The following BTBD7 variants were observed in gnomAD, a reference collection of about 807,000 sequenced individuals.
The protein encoded by BTBD7 is BTB/POZ domain-containing protein 7.
In BTBD7, 38 loss-of-function variants were observed where a neutral mutation model predicts 99.9. The ratio of observed to expected loss-of-function variants is 0.38; its 90% CI spans 0.29 to 0.50. The LOEUF (loss-of-function observed/expected upper bound fraction) is 0.50. Ranked by LOEUF, BTBD7 falls within the 20% of genes least tolerant of loss-of-function variation. The pLI, the probability that BTBD7 is intolerant of heterozygous loss-of-function variation, is 0.93. For missense variants in BTBD7, 1,170 were observed against 1,394.6 expected (o/e 0.84, Z 2.57); for synonymous variants, 520 against 511.4 (o/e 1.02, Z -0.23).
At chr14:93,287,348 T>A (rs1211795545) in intron 3 of BTBD7, among the ~76,000 whole-genome samples, 1 of 36,756 alleles carries the variant, frequency 2.7e-5, no homozygotes, top group Non-Finnish European at 5.0e-5. Context: ...CTACATCCCT[T>A]CCACTTTCAG....
rs1202362215 is a variant in BTBD7, at chr14:93,246,030, A to T, written c.2378T>A (p.Phe793Tyr). The T allele has an allele frequency of 1.9e-6, 3 of 1,612,482 alleles. No individual in the cohort carries two copies. The highest frequency in any genetic ancestry group is 2.5e-6 in the Non-Finnish European group (3 of 1,179,930). The change falls in exon 10 of 11, where the codon TTT (phenylalanine) becomes TAT (tyrosine). Residue 793 changes from phenylalanine (F) to tyrosine (Y), a missense_variant. Phe to Tyr is a conservative substitution (Grantham distance 22). Around this residue, in one of 4 missense-constraint regions of BTBD7, gnomAD observed 495 missense variants for 525.9 expected, o/e 0.94. Coordinates refer to ENST00000334746, the MANE Select transcript of BTBD7 (RefSeq NM_001002860.4). ...RPPSQHPSRS[F>Y]SYPCNHSLFH... ...CAGCGAATGATTACAGGGATAAGAAAATGAACGTGAAGGGTGCTGACTGGG... is the reference window on the plus strand; with the variant it reads ...CAGCGAATGATTACAGGGATAAGAATATGAACGTGAAGGGTGCTGACTGGG...
At chr14:93,326,073 G>A (rs937234875) in intron 1 of BTBD7, among the ~76,000 whole-genome samples, 3 of 151,996 alleles carry the variant, frequency 2.0e-5, no homozygotes, top group Non-Finnish European at 2.9e-5. Flanking sequence ...CCACCACAGC[G>A]TGGTGGTTCT....
chr14:93,261,212 G>T (rs2052486288), intron 5 of BTBD7, among the ~76,000 whole-genome samples: 1 of 152,184 alleles, frequency 6.6e-6, no homozygotes, highest in African/African-American at 2.4e-5. Context: ...GTACCATTCA[G>T]TGGCTCTTAC....
intron 2 of BTBD7, 22 bp downstream of exon 2, chr14:93,295,948 A>C (rs2052920897): frequency 6.2e-7 from 1 of 1,610,488 alleles, no homozygotes; most frequent in Non-Finnish European, 8.5e-7. Flanking sequence ...AAGAAAATGA[A>C]GTTAGAAAAA....
intron 1 of BTBD7, among the ~76,000 whole-genome samples, chr14:93,314,978 A>G (rs1264980262): frequency 6.6e-5 from 10 of 152,214 alleles, no homozygotes. Context: ...TAATAAACGG[A>G]AAATATTCAT....
chr14:93,328,879 T>C (rs1009303716), intron 1 of BTBD7, among the ~76,000 whole-genome samples: 4 of 152,160 alleles, frequency 2.6e-5, no homozygotes, highest in Non-Finnish European at 4.4e-5. Context: ...ATCACACTAG[T>C]GTACTCCAGC....
chr14:93,270,802 C>A (rs1394470151), intron 3 of BTBD7, among the ~76,000 whole-genome samples: 2 of 152,126 alleles, frequency 1.3e-5, no homozygotes, highest in Admixed American at 6.5e-5. Flanking sequence ...TCCGCTCAGG[C>A]AGACTTTCAG....
rs777912493 is a variant in BTBD7, at chr14:93,246,147, A to C, written c.2261T>G (p.Phe754Cys). The change falls in exon 10 of 11, where the codon TTC (phenylalanine) becomes TGC (cysteine). Residue 754 changes from phenylalanine to cysteine, a missense_variant. Phe to Cys is a radical substitution (Grantham distance 205). Coordinates refer to ENST00000334746, the MANE Select transcript of BTBD7 (RefSeq NM_001002860.4). ...MFTDLDSFVA[F>C]HPPLPPPPPP... is the part of the protein sequence containing the mutation. The stretch of plus-strand genomic sequence containing the variant: ...TGGTGGAGGGGGCAAGGGTGGATGG[A>C]AGGCCACAAAAGAGTCCAGATCTGT... The C allele has an allele frequency of 1.2e-6, 2 of 1,614,038 alleles. No homozygotes were observed. Among genetic ancestry groups the C allele is most frequent in the South Asian group, 2.2e-5 (2 of 91,058 alleles).
intron 6 of BTBD7, 37 bp from the exon 7 acceptor site, chr14:93,253,827 T>A: frequency 8.0e-7 from 1 of 1,251,962 alleles, no homozygotes; most frequent in Non-Finnish European, 1.1e-6. Flanking sequence ...GAAATCTGTG[T>A]AGTACTATAA....
intron 1 of BTBD7, among the ~76,000 whole-genome samples, chr14:93,327,372 G>A (rs1443688999): frequency 1.3e-5 from 2 of 152,074 alleles, no homozygotes; most frequent in Non-Finnish European, 2.9e-5. Context: ...ACATACATCT[G>A]CATAATTATT....
chr14:93,274,128 A>G (rs1021840139), intron 3 of BTBD7, among the ~76,000 whole-genome samples: 4 of 152,256 alleles, frequency 2.6e-5, no homozygotes, highest in African/African-American at 9.6e-5. Flanking sequence ...CTGCTGAAGT[A>G]TTGGCAAAGA....
chr14:93,281,370 C>A lies in BTBD7; in HGVS notation c.1162+12488G>T, dbSNP rs568679243. Among the ~76,000 whole-genome samples, 11 of 152,260 alleles carry A rather than the reference C, an allele frequency of 7.2e-5. No homozygotes were observed. The East Asian group carries it at 2.1e-3, about 29-fold the overall frequency. Reference sequence around the variant, plus strand: ...TAGGCAGGTCTCAAACTCCTGGACTCAAGCCATCCACCCGCCTCAGCCTCC... The same window carrying A: ...TAGGCAGGTCTCAAACTCCTGGACTAAAGCCATCCACCCGCCTCAGCCTCC... On this transcript the variant is annotated intron_variant, in intron 3 of 10. Coordinates refer to ENST00000334746, the MANE Select transcript of BTBD7 (RefSeq NM_001002860.4).
Position 93,294,844 on chromosome 14 carries a change from C to A in BTBD7, c.176G>T (p.Arg59Ile). 1.2e-6 allele frequency: 2 copies of A among 1,613,984 alleles called. No homozygotes were observed. The highest frequency in any genetic ancestry group is 1.7e-6 in the Non-Finnish European group (2 of 1,180,004). The change falls in exon 3 of 11, where the codon AGA (arginine) becomes ATA (isoleucine). Residue 59 changes from arginine (R) to isoleucine (I), a missense_variant. By Grantham distance (97) the Arg-to-Ile change is moderately conservative. This residue lies in a region of BTBD7 where 359 missense variants were observed against 497.9 expected (regional missense o/e 0.72). Coordinates refer to ENST00000334746, the MANE Select transcript of BTBD7 (RefSeq NM_001002860.4). ...TTTGAGGGTGGCAAGACCAGAGGTT[C>A]TCTTTTTTTTGTCTTGTGGTTTCTC... is the stretch of plus-strand genomic sequence containing the variant. Reference protein sequence around the residue: ...GHEKPQDKKKRTSGLATLKKK... With the variant: ...GHEKPQDKKKITSGLATLKKK...
Position 93,294,495 on chromosome 14 carries a change from T to A in BTBD7, c.525A>T (p.Pro175=), listed in dbSNP as rs368600186. The A allele has an allele frequency of 1.9e-6, 3 of 1,614,166 alleles. No individual in the cohort carries two copies. The African/African-American group carries it at 4.0e-5, about 22-fold the overall frequency. ...CCATTATTATCTCTGCCCCATACTC[T>A]GGTGAGGAAGAAAGCAGTGTTTTAA... The part of the protein sequence containing the change: ...PFFKTLLSSS[P]EYGAEIIMDI... Residue 175 remains proline, a synonymous_variant, in exon 3 of 11, where the codon CCA becomes CCT. Transcript: ENST00000334746.
At chr14:93,252,048 G>A (rs983630245) in intron 7 of BTBD7, among the ~76,000 whole-genome samples, 19 of 152,126 alleles carry the variant, frequency 1.2e-4, no homozygotes, top group African/African-American at 4.6e-4. Flanking sequence ...GGTGACTCAT[G>A]CCTGTAATCC....
At position 93,246,106 on chromosome 14, in the gene BTBD7, G is replaced by A. The variant is rs199912370; in HGVS notation, c.2302C>T (p.Pro768Ser). ...LPPPPPPYHP[P>S]ATPIHNQLKA... is the part of the protein sequence containing the mutation. ...AGTTGGTTATGGATTGGGGTAGCTG[G>A]GGGGTGGTAGGGAGGTGGTGGAGGG... Residue 768 changes from proline to serine, a missense_variant, in exon 10 of 11, where the codon CCA becomes TCA. Pro to Ser is a moderately conservative substitution (Grantham distance 74). Around this residue, in one of 4 missense-constraint regions of BTBD7, gnomAD observed 495 missense variants for 525.9 expected, o/e 0.94. Coordinates refer to ENST00000334746, the MANE Select transcript of BTBD7 (RefSeq NM_001002860.4). 2 of 1,548,956 alleles carry A rather than the reference G, an allele frequency of 1.3e-6. No homozygotes were observed. Among genetic ancestry groups the A allele is most frequent in the East Asian group, 4.9e-5 (2 of 40,522 alleles).
intron 1 of BTBD7, among the ~76,000 whole-genome samples, chr14:93,326,760 C>CG (rs966713582): frequency 1.3e-5 from 2 of 150,316 alleles, no homozygotes; most frequent in Admixed American, 1.3e-4. Context: ...GCCAGGATCA[C>CG]GCCATTGCGC....
At chr14:93,267,478 G>A (rs1035412458) in intron 3 of BTBD7, among the ~76,000 whole-genome samples, 1 of 152,140 alleles carries the variant, frequency 6.6e-6, no homozygotes, top group African/African-American at 2.4e-5. Flanking sequence ...TACCTAAGCC[G>A]AGTACCATGA....
chr14:93,322,195 C>T (rs1251193100), intron 1 of BTBD7, among the ~76,000 whole-genome samples: 2 of 152,162 alleles, frequency 1.3e-5, no homozygotes, highest in African/African-American at 4.8e-5. Context: ...TCACCATAAC[C>T]TCAAATTTCT....
Sources: gnomAD v4.1 joint callset for allele counts (sites outside exome capture counted in the v4.1 genomes callset) on GRCh38, gnomAD v4.1.1 for gene constraint, gnomAD v4.1.1 regional missense constraint, MANE v1.5 for transcripts, NCBI Gene and HGNC (gene_info 2026-07-23, HGNC 2026-07-21) for gene names.